ZNF98: variants seen among roughly 807,000 people sequenced by gnomAD.
The protein encoded by ZNF98 is zinc finger protein 98.
ZNF98 carries 8 observed loss-of-function variants against 12.8 expected under a neutral mutation model. The ratio of observed to expected loss-of-function variants is 0.63; its 90% CI spans 0.37 to 1.13. The LOEUF (loss-of-function observed/expected upper bound fraction) is 1.13, where lower values mean the gene tolerates loss of function less well. Ranked by LOEUF, ZNF98 falls within the 50% of genes most tolerant of loss-of-function variation. The pLI is 0.01. For missense variants in ZNF98, 379 were observed against 666.1 expected (o/e 0.57, Z 4.74); for synonymous variants, 112 against 223.5 (o/e 0.50, Z 4.45).
intron 3 of ZNF98, among the ~76,000 whole-genome samples, chr19:22,396,515 G>A (rs1158446368): frequency 4.6e-5 from 7 of 151,994 alleles, no homozygotes; most frequent in African/African-American, 7.3e-5. Context: ...GTAACAGTCT[G>A]TCTTTATCAG....
At chr19:22,403,960 C>T (rs1969490242) in intron 1 of ZNF98, among the ~76,000 whole-genome samples, 1 of 152,240 alleles carries the variant, frequency 6.6e-6, no homozygotes, top group African/African-American at 2.4e-5. Context: ...ATGGCTCACG[C>T]CTGTAATCCC....
At position 22,422,338 on chromosome 19, in the gene ZNF98, G is replaced by C; in HGVS notation, c.-114C>G. 3.8e-6 allele frequency: 5 copies of C among 1,308,378 alleles called. No individual in the cohort carries two copies. Among genetic ancestry groups the C allele is most frequent in the Non-Finnish European group, 5.5e-6 (5 of 916,810 alleles). The allele number at this position is 1,308,378 out of a possible 1,614,324, so 81.0% of individuals were successfully genotyped here. On this transcript the variant is annotated 5_prime_UTR_variant, in exon 1 of 4. Coordinates refer to ENST00000357774, the MANE Select transcript of ZNF98 (RefSeq NM_001098626.2). Reference sequence around the variant, plus strand: ...ACCAGGAACTCCGGCTGCAGCGAGAGACAAAGACCCCGCCACATCCCGGAA... The same window carrying C: ...ACCAGGAACTCCGGCTGCAGCGAGACACAAAGACCCCGCCACATCCCGGAA...
At chr19:22,398,784 A>G (rs1969425454) in intron 3 of ZNF98, among the ~76,000 whole-genome samples, 1 of 152,166 alleles carries the variant, frequency 6.6e-6, no homozygotes, top group Non-Finnish European at 1.5e-5. Context: ...AAGTCACAAA[A>G]GTGTTTCCCT....
At position 22,402,853 on chromosome 19, in the gene ZNF98, G is replaced by C. The variant is rs1161590478; in HGVS notation, c.189C>G (p.Thr63=). The change falls in exon 3 of 4, where the codon ACC becomes ACG. Residue 63 remains threonine (T), a synonymous_variant. Coordinates refer to ENST00000357774, the MANE Select transcript of ZNF98 (RefSeq NM_001098626.2). ...AAGGTTCTTTTCCTTGCTCCAGACA[G>C]GTGATCAGGTCTGGCTTAGAGGCAG... is the stretch of plus-strand genomic sequence containing the variant. ...GIAASKPDLI[T]CLEQGKEPWN... is the part of the protein sequence containing the mutation. 1 of 1,589,676 alleles carries C rather than the reference G, an allele frequency of 6.3e-7. No homozygotes were observed. The highest frequency in any genetic ancestry group is 8.5e-7 in the Non-Finnish European group (1 of 1,173,696).
At chr19:22,399,341 T>C in intron 3 of ZNF98, among the ~76,000 whole-genome samples, 1 of 152,154 alleles carries the variant, frequency 6.6e-6, no homozygotes, top group East Asian at 1.9e-4. Flanking sequence ...GACAAACTGA[T>C]AAATAAGCAT....
At chr19:22,412,640 T>TAA (rs61327036) in intron 1 of ZNF98, among the ~76,000 whole-genome samples, 49,751 of 139,088 alleles carry the variant, frequency 0.36, 9,629 homozygotes, top group Non-Finnish European at 0.46. Flanking sequence ...AGTAAAATCT[T>TAA]AAAAAAAAAA....
At chr19:22,407,122 T>A (rs1311866502) in intron 1 of ZNF98, among the ~76,000 whole-genome samples, 4 of 151,666 alleles carry the variant, frequency 2.6e-5, no homozygotes, top group Non-Finnish European at 4.4e-5. Context: ...AGTGGCGCGA[T>A]CTTGGCTCAC....
chr19:22,401,274 A>G (rs1037178614), intron 3 of ZNF98, among the ~76,000 whole-genome samples: 4 of 152,124 alleles, frequency 2.6e-5, no homozygotes, highest in African/African-American at 9.7e-5. Flanking sequence ...AAATTAACAT[A>G]CAAGTGTAAG....
At chr19:22,397,034 A>G (rs1357062924) in intron 3 of ZNF98, among the ~76,000 whole-genome samples, 2 of 151,714 alleles carry the variant, frequency 1.3e-5, no homozygotes, top group African/African-American at 4.8e-5. Context: ...AAGGAGAATC[A>G]CTTGAACCTA....
At chr19:22,415,781 G>A (rs1003420268) in intron 1 of ZNF98, among the ~76,000 whole-genome samples, 6 of 151,414 alleles carry the variant, frequency 4.0e-5, no homozygotes, top group African/African-American at 1.5e-4. Flanking sequence ...GTGAGAACCT[G>A]TCTTCAAAAA....
chr19:22,397,208 G>GTT (rs1415754065), intron 3 of ZNF98, among the ~76,000 whole-genome samples: 3 of 63,972 alleles, frequency 4.7e-5, no homozygotes, highest in East Asian at 1.4e-3. Flanking sequence ...GTGTGTGTGT[G>GTT]TTTTTGTGTG....
At chr19:22,393,556 C>T (rs1239315542) in intron 3 of ZNF98, among the ~76,000 whole-genome samples, 1 of 151,818 alleles carries the variant, frequency 6.6e-6, no homozygotes, top group African/African-American at 2.4e-5. Flanking sequence ...TGATCTTTGA[C>T]AAACCTGACA....
intron 3 of ZNF98, among the ~76,000 whole-genome samples, chr19:22,402,219 T>G (rs1969467543): frequency 6.8e-6 from 1 of 146,336 alleles, no homozygotes; most frequent in Non-Finnish European, 1.5e-5. Context: ...AAAATACAAT[T>G]CTCACATAGA....
chr19:22,402,670 A>G (rs1969472241), intron 3 of ZNF98, 119 bp downstream of exon 3: 6 of 1,160,834 alleles, frequency 5.2e-6, no homozygotes, highest in Non-Finnish European at 5.9e-6. Context: ...CAAGTTTCCT[A>G]GAAACTATTT....
At chr19:22,398,842 C>T (rs1225865075) in intron 3 of ZNF98, among the ~76,000 whole-genome samples, 2 of 151,962 alleles carry the variant, frequency 1.3e-5, no homozygotes, top group African/African-American at 2.4e-5. Flanking sequence ...GAAAATAAGA[C>T]TATTTCCATG....
intron 1 of ZNF98, among the ~76,000 whole-genome samples, chr19:22,417,025 T>C (rs1196878745): frequency 6.6e-6 from 1 of 151,440 alleles, no homozygotes; most frequent in African/African-American, 2.4e-5. Context: ...AGGTCAGGAG[T>C]TCCAGACCAG....
chr19:22,409,102 A>G (rs1969553062), intron 1 of ZNF98, among the ~76,000 whole-genome samples: 1 of 152,230 alleles, frequency 6.6e-6, no homozygotes, highest in South Asian at 2.1e-4. Flanking sequence ...ATACAGACCA[A>G]TGGAGCAGAA....
chr19:22,403,946 A>T (rs1373561530), intron 1 of ZNF98, among the ~76,000 whole-genome samples: 3 of 152,218 alleles, frequency 2.0e-5, no homozygotes, highest in Non-Finnish European at 4.4e-5. Context: ...CTGGGCTGGG[A>T]GCGATGGCTC....
intron 3 of ZNF98, among the ~76,000 whole-genome samples, chr19:22,396,951 T>G (rs903215968): frequency 6.6e-6 from 1 of 151,960 alleles, no homozygotes; most frequent in African/African-American, 2.4e-5. Context: ...TGAAACCGAC[T>G]CTACTAAAAA....
Sources: gnomAD v4.1 joint callset for allele counts (sites outside exome capture counted in the v4.1 genomes callset) on GRCh38, gnomAD v4.1.1 for gene constraint, MANE v1.5 for transcripts, NCBI Gene and HGNC (gene_info 2026-07-23, HGNC 2026-07-21) for gene names.